FNBP4: variants seen among roughly 807,000 people sequenced by gnomAD.
FNBP4 encodes the protein formin-binding protein 4.
FNBP4 carries 34 observed loss-of-function variants against 119.3 expected under a neutral mutation model. That is an observed-to-expected ratio of 0.28 (90% CI 0.22 to 0.38). The LOEUF is 0.38. Ranked by LOEUF, FNBP4 falls within the 10% of genes least tolerant of loss-of-function variation. The pLI, the probability that FNBP4 is intolerant of heterozygous loss-of-function variation, is 1.00. For missense variants in FNBP4, 1,112 were observed against 1,228.9 expected, an observed-to-expected ratio of 0.90 and a Z score of 1.42; for synonymous variants, 462 against 430.6, an observed-to-expected ratio of 1.07 and a Z score of -0.90.
At chr11:47,745,854 C>T (rs1032806202) in intron 7 of FNBP4, among the ~76,000 whole-genome samples, 1 of 152,046 alleles carries the variant, frequency 6.6e-6, no homozygotes, top group African/African-American at 2.4e-5. Context: ...GGTGAGTTCC[C>T]CCGATAACTA....
chr11:47,719,715 C>G (rs1441956568), intron 16 of FNBP4, among the ~76,000 whole-genome samples: 1 of 151,880 alleles, frequency 6.6e-6, no homozygotes, highest in Non-Finnish European at 1.5e-5. Context: ...TATTACAACT[C>G]TGTTGTTTCT....
At chr11:47,766,062 C>T (rs2097647208) in intron 1 of FNBP4, among the ~76,000 whole-genome samples, 1 of 151,930 alleles carries the variant, frequency 6.6e-6, no homozygotes, top group South Asian at 2.1e-4. Context: ...AATACATCTG[C>T]ATGGCCGGGC....
chr11:47,728,403 C>A lies in FNBP4; in HGVS notation c.2008+2971G>T, dbSNP rs1318230963. 6.6e-5 allele frequency among the ~76,000 whole-genome samples: 10 copies of A among 152,070 alleles called. No individual in the cohort carries two copies. In the East Asian group the frequency reaches 1.9e-3, roughly 29 times the overall value. Reference sequence around the variant, plus strand: ...TAGCTGGGATTACAGGCACCCGCCACGACACCTGGCTAATTTTTGTATTTT... The same window carrying A: ...TAGCTGGGATTACAGGCACCCGCCAAGACACCTGGCTAATTTTTGTATTTT... On this transcript the variant is annotated intron_variant, in intron 12 of 16. Coordinates refer to ENST00000263773, the MANE Select transcript of FNBP4 (RefSeq NM_015308.5).
At chr11:47,726,538 C>T (rs1371910955) in intron 12 of FNBP4, 1 of 150,834 alleles carries the variant, frequency 6.6e-6, no homozygotes, top group African/African-American at 2.4e-5. Context: ...CAACATCATT[C>T]CCACTGTCTC....
At chr11:47,760,408 C>T (rs1375030851) in intron 2 of FNBP4, among the ~76,000 whole-genome samples, 2 of 150,316 alleles carry the variant, frequency 1.3e-5, no homozygotes, top group Admixed American at 6.7e-5. Context: ...ATTACAAGTG[C>T]GTGCCAATGT....
In FNBP4 at chr11:47,732,705, T is replaced by C; in HGVS notation, c.1687-35A>G. 6.2e-7 allele frequency: 1 copy of C among 1,603,284 alleles called. No homozygotes were observed. The highest frequency in any genetic ancestry group is 8.5e-7 in the Non-Finnish European group (1 of 1,170,182). ...ACAGACAAATAAGTTAAAGACTTATTATTACATGTCAGGAGACACAGGCAA... is the reference window on the plus strand; with the variant it reads ...ACAGACAAATAAGTTAAAGACTTATCATTACATGTCAGGAGACACAGGCAA... On this transcript the variant is annotated intron_variant, in intron 10 of 16. Transcript: ENST00000263773. The surrounding 1 kb of genome is among the most constrained non-coding windows in gnomAD (Gnocchi z 4.2).
intron 6 of FNBP4, among the ~76,000 whole-genome samples, chr11:47,747,345 T>C (rs1024197837): frequency 6.6e-6 from 1 of 152,152 alleles, no homozygotes; most frequent in Non-Finnish European, 1.5e-5. Context: ...GCTGGGATTA[T>C]AGGCGAGAGC....
rs1319321615 is a variant in FNBP4, at chr11:47,732,544, A to G, written c.1813T>C (p.Trp605Arg). 6.2e-7 allele frequency: 1 copy of G among 1,614,066 alleles called. No homozygotes were observed. Among genetic ancestry groups the G allele is most frequent in the African/African-American group, 1.3e-5 (1 of 74,920 alleles). The change falls in exon 11 of 17, where the codon TGG becomes CGG. Residue 605 changes from tryptophan to arginine, a missense_variant. This residue lies in a region of FNBP4 where 826 missense variants were observed against 988.8 expected (regional missense o/e 0.84). Transcript: ENST00000263773. This position sits in a 1 kb window ranked among gnomAD's most constrained non-coding sequence, Gnocchi z 4.2. ...NATPKGWSCH[W>R]DRDHRRYFYV... ...GGGGAGAAGAGTGCGTACCTGTCCC[A>G]GTGGCAGGACCAGCCTTTAGGAGTG...
Position 47,724,450 on chromosome 11 carries a change from C to G in FNBP4, c.2319+18G>C. 6.2e-7 allele frequency: 1 copy of G among 1,613,998 alleles called. No individual in the cohort carries two copies. ...CCAGTCCTCAAAATCACTCAGAATG[C>G]CAAAGGGAATTACTTACCTGGCTAG... On this transcript the variant is annotated intron_variant, in intron 13 of 16. Transcript: ENST00000263773.
Position 47,717,158 on chromosome 11 carries a change from G to A in FNBP4, c.*264C>T, listed in dbSNP as rs2097550861. ...GCCACATGTTCTTCAAGACTGATGA[G>A]GTTAATACACCTAACATGCTAAGTT... On this transcript the variant is annotated 3_prime_UTR_variant, in exon 17 of 17. Transcript: ENST00000263773. 1 of 391,404 alleles carries A rather than the reference G, an allele frequency of 2.6e-6. No individual in the cohort carries two copies. The highest frequency in any genetic ancestry group is 4.1e-5 in the Admixed American group (1 of 24,598). The allele number at this position is 391,404 out of a possible 1,614,324, so 24.2% of individuals were successfully genotyped here.
intron 8 of FNBP4, 34 bp from the exon 9 acceptor site, chr11:47,736,774 A>G (rs1197698168): frequency 1.9e-6 from 3 of 1,558,736 alleles, no homozygotes; most frequent in Non-Finnish European, 2.6e-6. Flanking sequence ...AAACCAAAGT[A>G]CCAATACTTA....
At chr11:47,733,190 A>ACT (rs2135116509) in intron 10 of FNBP4, among the ~76,000 whole-genome samples, 1 of 151,850 alleles carries the variant, frequency 6.6e-6, no homozygotes, top group African/African-American at 2.4e-5. Context: ...AACACTACCA[A>ACT]CTCTCCAATA....
In FNBP4 at chr11:47,716,629, G is replaced by T. The variant is rs1299645104; in HGVS notation, c.*793C>A. The T allele has an allele frequency of 6.6e-6, 1 of 152,596 alleles. No individual in the cohort carries two copies. Among genetic ancestry groups the T allele is most frequent in the Non-Finnish European group, 1.5e-5 (1 of 68,030 alleles). 9.5% of individuals were successfully genotyped at this position (152,596 alleles called of 1,614,324 possible). A position where few individuals can be genotyped will look rare whatever the true frequency, so the allele number is the denominator to read the frequency against. On this transcript the variant is annotated 3_prime_UTR_variant, in exon 17 of 17. Transcript: ENST00000263773. ...ATTTGCCGTTTCCTCAGTTTAAAGTGACTTTTACCTGATTGTGATACAACA... is the reference window on the plus strand; with the variant it reads ...ATTTGCCGTTTCCTCAGTTTAAAGTTACTTTTACCTGATTGTGATACAACA...
intron 2 of FNBP4, among the ~76,000 whole-genome samples, chr11:47,761,717 C>A (rs2097635031): frequency 2.0e-5 from 3 of 151,990 alleles, no homozygotes; most frequent in East Asian, 1.9e-4. Flanking sequence ...TCCTTGAGAA[C>A]AGCCTGGGCA....
rs1472534559 is a variant in FNBP4, at chr11:47,744,175, A to G, written c.1246-12T>C. 1.9e-6 allele frequency: 3 copies of G among 1,609,612 alleles called. No homozygotes were observed. Among genetic ancestry groups the G allele is most frequent in the African/African-American group, 1.3e-5 (1 of 74,946 alleles). On this transcript the variant is annotated splice_polypyrimidine_tract_variant and intron_variant, in intron 7 of 16. Transcript: ENST00000263773. ...GCTCGCAACTCTGCCTACAAAGAAC[A>G]TGACAATTAAGTTAGTGTCATTAAC...
At chr11:47,757,657 G>A (rs1401542580) in intron 2 of FNBP4, among the ~76,000 whole-genome samples, 1 of 151,226 alleles carries the variant, frequency 6.6e-6, no homozygotes, top group Non-Finnish European at 1.5e-5. Context: ...CCACACCTGG[G>A]TAATGTTTGC....
chr11:47,724,561 C>T lies in FNBP4; in HGVS notation c.2226G>A (p.Met742Ile). The change falls in exon 13 of 17, where the codon ATG becomes ATA. Residue 742 changes from methionine (M) to isoleucine (I), a missense_variant. By Grantham distance (10) the Met-to-Ile change is conservative (BLOSUM62 1). Around this residue, in one of 2 missense-constraint regions of FNBP4, gnomAD observed 826 missense variants for 988.8 expected, o/e 0.84. Coordinates refer to ENST00000263773, the MANE Select transcript of FNBP4 (RefSeq NM_015308.5). ...GGGGCTCCTCACTTCCCTCATCCTC[C>T]ATCTCTACCTCCTGGATCTCACCAT... is the stretch of plus-strand genomic sequence containing the variant. ...AEDGEIQEVE[M>I]EDEGSEEPPA... 6.2e-7 allele frequency: 1 copy of T among 1,614,168 alleles called. No homozygotes were observed. The highest frequency in any genetic ancestry group is 8.5e-7 in the Non-Finnish European group (1 of 1,180,020).
chr11:47,756,039 T>C (rs1388360724), intron 2 of FNBP4, among the ~76,000 whole-genome samples: 3 of 152,184 alleles, frequency 2.0e-5, no homozygotes, highest in Non-Finnish European at 4.4e-5. Context: ...TTTTAATCAA[T>C]GATTATTCCT....
At chr11:47,740,476 C>T (rs2097580374) in intron 8 of FNBP4, among the ~76,000 whole-genome samples, 1 of 151,584 alleles carries the variant, frequency 6.6e-6, no homozygotes, top group South Asian at 2.1e-4. Flanking sequence ...AATATTGAGT[C>T]TTCCCAGGTT....
Sources: gnomAD v4.1 joint callset for allele counts (sites outside exome capture counted in the v4.1 genomes callset) on GRCh38, gnomAD v4.1.1 for gene constraint, gnomAD v4.1.1 regional missense constraint, Gnocchi (gnomAD v3.1) non-coding constraint, MANE v1.5 for transcripts, NCBI Gene and HGNC (gene_info 2026-07-23, HGNC 2026-07-21) for gene names.